Variants in CCT6B observed in about 807,000 individuals in gnomAD.
CCT6B encodes the protein probable T-complex protein 1 subunit zeta-2.
In CCT6B, 49 loss-of-function variants were observed where a neutral mutation model predicts 61.5. That is an observed-to-expected ratio of 0.80 (90% CI 0.63 to 1.01). The LOEUF (loss-of-function observed/expected upper bound fraction) is 1.01. CCT6B is among the 50% of genes least tolerant of loss of function. CCT6B has a pLI of 0.00. For synonymous variants in CCT6B, 228 were observed against 214.5 expected, an observed-to-expected ratio of 1.06 and a Z score of -0.55; for missense variants, 666 against 634.7, an observed-to-expected ratio of 1.05 and a Z score of -0.53.
intron 5 of CCT6B, among the ~76,000 whole-genome samples, chr17:34,947,238 G>C (rs8072191): frequency 6.6e-6 from 1 of 151,994 alleles, no homozygotes; most frequent in Non-Finnish European, 1.5e-5. Context: ...ATGAACAAAA[G>C]AAATGTTTAA....
intron 4 of CCT6B, among the ~76,000 whole-genome samples, chr17:34,953,581 C>T (rs781772560): frequency 5.9e-5 from 9 of 152,012 alleles, no homozygotes; most frequent in Non-Finnish European, 8.8e-5. Flanking sequence ...CTCCCCACCT[C>T]GGCCTCCTAA....
chr17:34,936,619 T>C (rs950417788), intron 10 of CCT6B, among the ~76,000 whole-genome samples: 2 of 152,144 alleles, frequency 1.3e-5, no homozygotes, highest in African/African-American at 4.8e-5. Context: ...TATATTTCTA[T>C]ATATTAGCAA....
intron 8 of CCT6B, among the ~76,000 whole-genome samples, chr17:34,940,019 A>G (rs1018144675): frequency 1.3e-5 from 2 of 152,074 alleles, no homozygotes; most frequent in Non-Finnish European, 2.9e-5. Flanking sequence ...AGAATCCAAC[A>G]CATTGTGCAT....
rs1019191497 is a variant in CCT6B at position 34,928,001 on chromosome 17, G to C, written c.*47C>G. The C allele has an allele frequency of 3.0e-6, 4 of 1,341,468 alleles. No individual in the cohort carries two copies. Among genetic ancestry groups the C allele is most frequent in the African/African-American group, 1.4e-5 (1 of 69,048 alleles). 83.1% of individuals were successfully genotyped at this position (1,341,468 alleles called of 1,614,324 possible). A position where few individuals can be genotyped will look rare whatever the true frequency, so the allele number is the denominator to read the frequency against. ...CTACACAATAGTAGTCAGATGTAAAGTGTACTAAATTTCATCTTCTAGAAG... is the reference window on the plus strand; with the variant it reads ...CTACACAATAGTAGTCAGATGTAAACTGTACTAAATTTCATCTTCTAGAAG... On this transcript the variant is annotated 3_prime_UTR_variant, in exon 14 of 14. Coordinates refer to ENST00000314144, the MANE Select transcript of CCT6B (RefSeq NM_006584.4).
At chr17:34,931,852 G>A (rs1158413882) in intron 11 of CCT6B, among the ~76,000 whole-genome samples, 2 of 152,022 alleles carry the variant, frequency 1.3e-5, no homozygotes, top group African/African-American at 4.8e-5. Context: ...ACAAAGGAAT[G>A]GTCGCTTTCT....
intron 8 of CCT6B, 104 bp from the exon 9 acceptor site, chr17:34,939,817 G>A: frequency 1.4e-6 from 1 of 737,582 alleles, no homozygotes; most frequent in Non-Finnish European, 2.4e-6. Context: ...TTACTGTATT[G>A]TATTGTTTTG....
intron 1 of CCT6B, among the ~76,000 whole-genome samples, chr17:34,960,934 G>A (rs544528281): frequency 6.6e-6 from 1 of 152,276 alleles, no homozygotes; most frequent in South Asian, 2.1e-4. Flanking sequence ...TGGACCAAGG[G>A]TATACAGTCT....
rs79824562 is a variant in CCT6B, at chr17:34,941,811, G to C, written c.885+673C>G. Among the ~76,000 whole-genome samples, 146 of 152,268 alleles carry C rather than the reference G, an allele frequency of 9.6e-4. 3 individuals are homozygous for C. Among genetic ancestry groups the C allele is most frequent in the African/African-American group, 3.0e-3 (123 of 41,552 alleles). ...CAGCCCCATAATCCCAACACTTTGGGAGGCCAAGCCAAGAGGATCACTTGA... is the reference window on the plus strand; with the variant it reads ...CAGCCCCATAATCCCAACACTTTGGCAGGCCAAGCCAAGAGGATCACTTGA... On this transcript the variant is annotated intron_variant, in intron 7 of 13. Transcript: ENST00000314144.
At chr17:34,931,336 GTTTGT>G (rs908617861) in intron 11 of CCT6B, among the ~76,000 whole-genome samples, 9 of 152,054 alleles carry the variant, frequency 5.9e-5, no homozygotes, top group East Asian at 1.9e-4. Context: ...CTTGCAAAAG[GTTTGT>G]TTTGTTTTGT....
At chr17:34,952,077 A>C (rs988021631) in intron 4 of CCT6B, 24 bp from the exon 5 acceptor site, 1 of 1,414,056 alleles carries the variant, frequency 7.1e-7, no homozygotes, top group African/African-American at 1.4e-5. Context: ...GAATGAGAAC[A>C]GTTAAGTTAT....
intron 10 of CCT6B, among the ~76,000 whole-genome samples, chr17:34,933,597 T>C (rs2090060455): frequency 6.6e-6 from 1 of 152,320 alleles, no homozygotes; most frequent in Middle Eastern, 3.4e-3. Context: ...TATTTATATG[T>C]ATGATATAAA....
At chr17:34,937,245 GGA>G (rs1268231531) in intron 10 of CCT6B, among the ~76,000 whole-genome samples, 3 of 151,918 alleles carry the variant, frequency 2.0e-5, no homozygotes, top group Non-Finnish European at 4.4e-5. Flanking sequence ...GAAGTCATAT[GGA>G]AATGCCAAAG....
chr17:34,932,449 A>G lies in CCT6B; in HGVS notation c.1265T>C (p.Leu422Pro), dbSNP rs1161636795. 4 of 1,612,704 alleles carry G rather than the reference A, an allele frequency of 2.5e-6. No individual in the cohort carries two copies. In the South Asian group the frequency reaches 3.3e-5, roughly 13 times the overall value. The change falls in exon 11 of 14, where the codon CTT (leucine) becomes CCT (proline). Residue 422 changes from leucine to proline, a missense_variant. Coordinates refer to ENST00000314144, the MANE Select transcript of CCT6B (RefSeq NM_006584.4). Reference sequence around the variant, plus strand: ...TTTTATACTGTTCTTATATGTAACAAGAGCTTCAGCCATTGCCACTTCAAT... The same window carrying G: ...TTTTATACTGTTCTTATATGTAACAGGAGCTTCAGCCATTGCCACTTCAAT... ...GAIEVAMAEA[L>P]VTYKNSIKGR...
At chr17:34,944,771 A>G (rs2090204955) in intron 5 of CCT6B, among the ~76,000 whole-genome samples, 1 of 152,120 alleles carries the variant, frequency 6.6e-6, no homozygotes, top group African/African-American at 2.4e-5. Flanking sequence ...CTAAAAATAC[A>G]AAAAATTAGT....
At chr17:34,949,674 C>T (rs1331760504) in intron 5 of CCT6B, 2 of 151,984 alleles carry the variant, frequency 1.3e-5, no homozygotes, top group Non-Finnish European at 2.9e-5. Flanking sequence ...CATATCAGTA[C>T]AAAAGTTCAA....
rs1313863873 is a variant in CCT6B, at chr17:34,940,284, T to C, written c.968+255A>G. Among the ~76,000 whole-genome samples, 4 of 152,308 alleles carry C rather than the reference T, an allele frequency of 2.6e-5. No individual in the cohort carries two copies. In the East Asian group the frequency reaches 5.8e-4, roughly 22 times the overall value. ...AAAAGTGAGATCATGCTGTATTATG[T>C]TGTATTGTTTTGTTTTTAAAATCTG... is the stretch of plus-strand genomic sequence containing the variant. On this transcript the variant is annotated intron_variant, in intron 8 of 13. Transcript: ENST00000314144.
At chr17:34,957,894 G>T (rs1009562589) in intron 3 of CCT6B, among the ~76,000 whole-genome samples, 15 of 152,242 alleles carry the variant, frequency 9.9e-5, no homozygotes, top group African/African-American at 3.1e-4. Flanking sequence ...AGAAAGGAAG[G>T]TAAATTCACA....
Position 34,959,564 on chromosome 17 carries a change from T to C in CCT6B, c.201+23A>G, listed in dbSNP as rs747782305. The C allele has an allele frequency of 8.8e-6, 14 of 1,586,014 alleles. No individual in the cohort carries two copies. The South Asian group carries it at 1.4e-4, about 16-fold the overall frequency. ...CTAATTAAGGCTTATTAAGGTTTAT[T>C]AAAGTCAGCAGCATCAGCTCACCAT... is the stretch of plus-strand genomic sequence containing the variant. On this transcript the variant is annotated intron_variant, in intron 2 of 13. Transcript: ENST00000314144.
intron 10 of CCT6B, among the ~76,000 whole-genome samples, chr17:34,935,444 T>TA (rs952080596): frequency 1.3e-5 from 2 of 152,200 alleles, no homozygotes; most frequent in Non-Finnish European, 2.9e-5. Context: ...AAAATAATTT[T>TA]AAAAAAATGT....
Sources: gnomAD v4.1 joint callset for allele counts (sites outside exome capture counted in the v4.1 genomes callset) on GRCh38, gnomAD v4.1.1 for gene constraint, MANE v1.5 for transcripts, NCBI Gene and HGNC (gene_info 2026-07-23, HGNC 2026-07-21) for gene names.